Variants in PNPLA7 observed in about 807,000 individuals in gnomAD.
The protein encoded by PNPLA7 is patatin like domain 7, lysophospholipase.
PNPLA7 carries 153 observed loss-of-function variants against 161.7 expected under a neutral mutation model. That is an observed-to-expected ratio of 0.95 (90% CI 0.83 to 1.08). PNPLA7 has a LOEUF of 1.08. Among genes scored for constraint, PNPLA7 ranks in the 50% least tolerant of loss-of-function variants. The probability of loss-of-function intolerance (pLI) is 0.00; values close to 1 mark genes in which losing one functional copy is unlikely to be tolerated. For missense variants in PNPLA7, 1,739 were observed against 1,856.6 expected (o/e 0.94, Z 1.16); for synonymous variants, 809 against 782.1 (o/e 1.03, Z -0.57).
intron 15 of PNPLA7, among the ~76,000 whole-genome samples, chr9:137,501,448 A>G (rs1392135206): frequency 6.6e-6 from 1 of 152,222 alleles, no homozygotes; most frequent in African/African-American, 2.4e-5. Flanking sequence ...CCAGTGCAGC[A>G]GGGGCCAAAG....
chr9:137,547,420 G>T lies in PNPLA7; in HGVS notation c.106-24C>A. 6.2e-7 allele frequency: 1 copy of T among 1,611,852 alleles called. No homozygotes were observed. Among genetic ancestry groups the T allele is most frequent in the Non-Finnish European group, 8.5e-7 (1 of 1,178,722 alleles). On this transcript the variant is annotated intron_variant, in intron 2 of 34. Transcript: ENST00000406427. The surrounding 1 kb of genome is among the most constrained non-coding windows in gnomAD (Gnocchi z 4.6). ...AGCTGGCCGAGAGTGGAAACACGGCGCCCATCAGCAAAGCCACAAACCTAA... is the reference window on the plus strand; with the variant it reads ...AGCTGGCCGAGAGTGGAAACACGGCTCCCATCAGCAAAGCCACAAACCTAA...
Position 137,498,182 on chromosome 9 carries a change from C to T in PNPLA7, c.1821G>A (p.Ser607=), listed in dbSNP as rs766782145. Residue 607 remains serine, a synonymous_variant, in exon 17 of 35, where the codon TCG becomes TCA. Transcript: ENST00000406427. The part of the protein sequence containing the change: ...GVAHTVVKRM[S]SFVRQIDFAL... Reference sequence around the variant, plus strand: ...CAAAGTCGATTTGCCGCACGAAGGACGACATCCTCTTCACCACAGTGTGCG... The same window carrying T: ...CAAAGTCGATTTGCCGCACGAAGGATGACATCCTCTTCACCACAGTGTGCG... 20 of 1,612,900 alleles carry T rather than the reference C, an allele frequency of 1.2e-5. No homozygotes were observed. Among genetic ancestry groups the T allele is most frequent in the African/African-American group, 4.0e-5 (3 of 75,074 alleles).
chr9:137,502,149 C>T (rs1056939119), intron 14 of PNPLA7, among the ~76,000 whole-genome samples: 1 of 152,104 alleles, frequency 6.6e-6, no homozygotes, highest in Non-Finnish European at 1.5e-5. Context: ...CTGGGAGCTC[C>T]CAGAGGTGAC....
At position 137,541,508 on chromosome 9, in the gene PNPLA7, G is replaced by A. The variant is rs1425717519; in HGVS notation, c.667-786C>T. On this transcript the variant is annotated intron_variant, in intron 7 of 34. Transcript: ENST00000406427. The surrounding 1 kb of genome is among the most constrained non-coding windows in gnomAD (Gnocchi z 4.4). ...TGGCGTGGGATCACAGCCCACTCCC[G>A]GGACCACAGCTGGCAGGAGCCCTGC... 5.1e-6 allele frequency: 5 copies of A among 985,282 alleles called. No homozygotes were observed. The highest frequency in any genetic ancestry group is 4.7e-5 in the South Asian group (1 of 21,296). The allele number at this position is 985,282 out of a possible 1,614,324, so 61.0% of individuals were successfully genotyped here.
intron 12 of PNPLA7, among the ~76,000 whole-genome samples, chr9:137,510,817 G>T (rs758161069): frequency 4.6e-5 from 7 of 152,216 alleles, no homozygotes; most frequent in Non-Finnish European, 8.8e-5. Flanking sequence ...CGTGTGGGCG[G>T]AAAGTCACCC....
In PNPLA7 at chr9:137,497,221, G is replaced by A. The variant is rs769430527; in HGVS notation, c.1979C>T (p.Ala660Val). 4.4e-6 allele frequency: 7 copies of A among 1,588,190 alleles called. No individual in the cohort carries two copies. The African/African-American group carries it at 6.8e-5, about 15-fold the overall frequency. Residue 660 changes from alanine to valine, a missense_variant, in exon 18 of 35, where the codon GCC (alanine) becomes GTC (valine). Physicochemically the swap from Ala to Val is moderately conservative, Grantham distance 64 (BLOSUM62 0). Coordinates refer to ENST00000406427, the MANE Select transcript of PNPLA7 (RefSeq NM_001098537.3). Reference protein sequence around the residue: ...IRKDDGKKRLAGEYGRGDLVG... With the variant: ...IRKDDGKKRLVGEYGRGDLVG... Reference sequence around the variant, plus strand: ...GAGGTCTCCTCGGCCGTACTCCCCGGCCAGGCGCTTCTTCCCATCATCCTT... The same window carrying A: ...GAGGTCTCCTCGGCCGTACTCCCCGACCAGGCGCTTCTTCCCATCATCCTT...
At chr9:137,475,532 G>A (rs1464673127) in intron 25 of PNPLA7, among the ~76,000 whole-genome samples, 2 of 152,040 alleles carry the variant, frequency 1.3e-5, no homozygotes, top group African/African-American at 2.4e-5. Flanking sequence ...CCGCCACCAA[G>A]CCTGGCTAAT....
chr9:137,543,706 C>A lies in PNPLA7; in HGVS notation c.365+18G>T. Reference sequence around the variant, plus strand: ...GGGGGCACCTGGGGCAGGATGTGGTCTGAAGGACACACAGTACCTCTTGGC... The same window carrying A: ...GGGGGCACCTGGGGCAGGATGTGGTATGAAGGACACACAGTACCTCTTGGC... On this transcript the variant is annotated intron_variant, in intron 5 of 34. Coordinates refer to ENST00000406427, the MANE Select transcript of PNPLA7 (RefSeq NM_001098537.3). This position sits in a 1 kb window ranked among gnomAD's most constrained non-coding sequence, Gnocchi z 6.9. 1 of 1,613,524 alleles carries A rather than the reference C, an allele frequency of 6.2e-7. No individual in the cohort carries two copies. Among genetic ancestry groups the A allele is most frequent in the South Asian group, 1.1e-5 (1 of 91,056 alleles).
intron 8 of PNPLA7, among the ~76,000 whole-genome samples, chr9:137,528,825 A>C (rs1248937473): frequency 6.7e-6 from 1 of 149,852 alleles, no homozygotes. Context: ...CTCAGCCTCC[A>C]CAGTAGCTGG....
At chr9:137,529,108 C>T (rs1169893507) in intron 8 of PNPLA7, among the ~76,000 whole-genome samples, 1 of 152,200 alleles carries the variant, frequency 6.6e-6, no homozygotes, top group African/African-American at 2.4e-5. Context: ...AGCAATCCTC[C>T]CACTTTAGCC....
rs28680371 is a variant in PNPLA7, at chr9:137,474,855, A to G, written c.2882+3179T>C. Among the ~76,000 whole-genome samples the G allele has an allele frequency of 3.4e-5, 5 of 146,082 alleles. No individual in the cohort carries two copies. In the East Asian group the frequency reaches 9.9e-4, roughly 29 times the overall value. Reference sequence around the variant, plus strand: ...GTGAAACCCCATCTCTACTAAAAATACAAAAAAAAAAAAAAAATTAGCTGG... The same window carrying G: ...GTGAAACCCCATCTCTACTAAAAATGCAAAAAAAAAAAAAAAATTAGCTGG... On this transcript the variant is annotated intron_variant, in intron 25 of 34. Coordinates refer to ENST00000406427, the MANE Select transcript of PNPLA7 (RefSeq NM_001098537.3).
intron 11 of PNPLA7, 55 bp downstream of exon 11, chr9:137,519,862 C>G: frequency 6.4e-6 from 10 of 1,567,960 alleles, no homozygotes; most frequent in Non-Finnish European, 8.7e-6. Context: ...GCAGTGGGAG[C>G]AGGATCCCCC....
At position 137,537,147 on chromosome 9, in the gene PNPLA7, C is replaced by T. The variant is rs1010749121; in HGVS notation, c.747+3495G>A. 6.6e-5 allele frequency among the ~76,000 whole-genome samples: 10 copies of T among 152,326 alleles called. No homozygotes were observed. Among genetic ancestry groups the T allele is most frequent in the Non-Finnish European group, 1.5e-4 (10 of 68,028 alleles). ...AGCGTTTTCAGTGTGAGGGGACAGA[C>T]GGCCACTGTTGATAAAACTTTAAGT... is the stretch of plus-strand genomic sequence containing the variant. On this transcript the variant is annotated intron_variant, in intron 8 of 34. Coordinates refer to ENST00000406427, the MANE Select transcript of PNPLA7 (RefSeq NM_001098537.3). This position sits in a 1 kb window ranked among gnomAD's most constrained non-coding sequence, Gnocchi z 4.5.
intron 23 of PNPLA7, 30 bp from the exon 24 acceptor site, chr9:137,479,268 C>A: frequency 1.3e-6 from 2 of 1,494,172 alleles, no homozygotes; most frequent in Admixed American, 2.1e-5. Flanking sequence ...TGTCTGCCAG[C>A]CGGGTGAGCC....
chr9:137,464,285 G>A (rs905715961), intron 27 of PNPLA7, 55 bp downstream of exon 27: 2 of 1,604,772 alleles, frequency 1.2e-6, no homozygotes, highest in East Asian at 2.2e-5. Context: ...GAGGTGGGGG[G>A]CCAGGAGGGG....
At chr9:137,536,301 C>T (rs951717021) in intron 8 of PNPLA7, among the ~76,000 whole-genome samples, 4 of 152,114 alleles carry the variant, frequency 2.6e-5, no homozygotes, top group African/African-American at 4.8e-5. Context: ...CACCAAAACA[C>T]GCCGGCCGAG....
At position 137,497,301 on chromosome 9, in the gene PNPLA7, G is replaced by A; in HGVS notation, c.1899C>T (p.Asp633=). Residue 633 remains aspartate, a synonymous_variant, in exon 18 of 35, where the codon GAC becomes GAT. Transcript: ENST00000406427. ...GCATGATGTACGTGCAGTCGGACTT[G>A]TCCCCCTGCCTGCGGAAGACACAGA... ...EAGRAIYRQG[D]KSDCTYIMLS... 3 of 1,569,926 alleles carry A rather than the reference G, an allele frequency of 1.9e-6. No individual in the cohort carries two copies. The highest frequency in any genetic ancestry group is 2.4e-5 in the South Asian group (2 of 85,014).
rs1836202325 is a variant in PNPLA7 at position 137,541,532 on chromosome 9, G to A, written c.667-810C>T. 2 of 979,702 alleles carry A rather than the reference G, an allele frequency of 2.0e-6. No homozygotes were observed. Among genetic ancestry groups the A allele is most frequent in the Non-Finnish European group, 2.4e-6 (2 of 824,768 alleles). The allele number at this position is 979,702 out of a possible 1,614,324, so 60.7% of individuals were successfully genotyped here. Reference sequence around the variant, plus strand: ...CGGGACCACAGCTGGCAGGAGCCCTGCAGGTCAGGGTGATGATCACACAAA... The same window carrying A: ...CGGGACCACAGCTGGCAGGAGCCCTACAGGTCAGGGTGATGATCACACAAA... On this transcript the variant is annotated intron_variant, in intron 7 of 34. Coordinates refer to ENST00000406427, the MANE Select transcript of PNPLA7 (RefSeq NM_001098537.3). The surrounding 1 kb of genome is among the most constrained non-coding windows in gnomAD (Gnocchi z 4.4).
Position 137,476,966 on chromosome 9 carries a change from C to T in PNPLA7, c.2882+1068G>A, listed in dbSNP as rs1264864572. Among the ~76,000 whole-genome samples the T allele has an allele frequency of 5.3e-5, 8 of 152,248 alleles. No homozygotes were observed. Reference sequence around the variant, plus strand: ...TGACAGGGCCCTGCCCTGGGGCCAGCAGAAGCATCCTCGAGGCCCTGGGGC... The same window carrying T: ...TGACAGGGCCCTGCCCTGGGGCCAGTAGAAGCATCCTCGAGGCCCTGGGGC... On this transcript the variant is annotated intron_variant, in intron 25 of 34. Transcript: ENST00000406427. This position sits in a 1 kb window ranked among gnomAD's most constrained non-coding sequence, Gnocchi z 4.5.
Sources: allele counts gnomAD v4.1 joint callset (sites outside exome capture counted in the v4.1 genomes callset), GRCh38; gene constraint gnomAD v4.1.1; non-coding constraint Gnocchi (gnomAD v3.1); transcripts MANE v1.5; gene names NCBI Gene and HGNC (gene_info 2026-07-23, HGNC 2026-07-21).